The following FAM118A variants were observed in gnomAD, a reference collection of about 807,000 sequenced individuals.
FAM118A encodes the protein SIR2 antiphage like 2.
Under a neutral mutation model 38.2 loss-of-function variants are expected in FAM118A, and 25 were observed. That is an observed-to-expected ratio of 0.65 (90% CI 0.48 to 0.91). The LOEUF is 0.91. Among genes scored for constraint, FAM118A ranks in the 40% least tolerant of loss-of-function variants. FAM118A has a pLI of 0.00. For missense variants in FAM118A, 425 were observed against 463.3 expected (o/e 0.92, Z 0.76); for synonymous variants, 178 against 184.1 (o/e 0.97, Z 0.27).
At chr22:45,338,990 G>C (rs907771345) in intron 8 of FAM118A, among the ~76,000 whole-genome samples, 7 of 152,214 alleles carry the variant, frequency 4.6e-5, no homozygotes, top group Non-Finnish European at 7.3e-5. Context: ...GGCAGGGGGT[G>C]GGGGCGCCCT....
rs369034003 is a variant in FAM118A at position 45,332,638 on chromosome 22, G to C, written c.865G>C (p.Gly289Arg). The change falls in exon 6 of 9, where the codon GGG becomes CGG. Residue 289 changes from glycine (G) to arginine (R), a missense_variant. By Grantham distance (125) the Gly-to-Arg change is moderately radical. Transcript: ENST00000441876. ...GCACGGAATCAAAGTTGTATCCTAC[G>C]GGGACTGTTTTGACCACTTTCCAGG... is the stretch of plus-strand genomic sequence containing the variant. ...LLHGIKVVSY[G>R]DCFDHFPGYV... 9.3e-6 allele frequency: 15 copies of C among 1,614,198 alleles called. No homozygotes were observed. In the East Asian group the frequency reaches 3.3e-4, roughly 36 times the overall value.
At position 45,323,244 on chromosome 22, in the gene FAM118A, C is replaced by T. The variant is rs138980075; in HGVS notation, c.117C>T (p.Ser39=). Residue 39 remains serine (S), a synonymous_variant, in exon 3 of 9, where the codon AGC becomes AGT. Coordinates refer to ENST00000441876, the MANE Select transcript of FAM118A (RefSeq NM_017911.4). ...ELLLVIGTGV[S]AAVAPGIPAL... is the part of the protein sequence containing the mutation. ...TCCTGGTTATCGGGACTGGCGTCAGCGCAGCAGTGGCCCCCGGAATCCCTG... is the reference window on the plus strand; with the variant it reads ...TCCTGGTTATCGGGACTGGCGTCAGTGCAGCAGTGGCCCCCGGAATCCCTG... 4.1e-3 allele frequency: 6,575 copies of T among 1,614,186 alleles called. 12 individuals are homozygous for T. The highest frequency in any genetic ancestry group is 4.6e-3 in the Non-Finnish European group (5,467 of 1,180,034).
intron 2 of FAM118A, among the ~76,000 whole-genome samples, chr22:45,322,957 T>G (rs2084972533): frequency 6.6e-6 from 1 of 152,042 alleles, no homozygotes; most frequent in Admixed American, 6.5e-5. Context: ...CTGTCCCACG[T>G]CCTTTAAGGA....
At chr22:45,322,467 T>G in intron 2 of FAM118A, 41 bp downstream of exon 2, 1 of 1,542,998 alleles carries the variant, frequency 6.5e-7, no homozygotes, top group Non-Finnish European at 8.9e-7. Context: ...CTTCATTGAC[T>G]TCATCTAGCG....
intron 6 of FAM118A, among the ~76,000 whole-genome samples, chr22:45,333,499 C>G (rs1025583735): frequency 3.9e-5 from 6 of 151,948 alleles, no homozygotes; most frequent in African/African-American, 7.3e-5. Flanking sequence ...ACGGTGAAAC[C>G]CCGTCTCTAC....
At chr22:45,311,884 G>A (rs752342511) in intron 1 of FAM118A, among the ~76,000 whole-genome samples, 1 of 152,092 alleles carries the variant, frequency 6.6e-6, no homozygotes, top group Non-Finnish European at 1.5e-5. Flanking sequence ...TGAACTTTAA[G>A]TGAGGTTTTT....
chr22:45,316,044 T>C (rs888814189), intron 1 of FAM118A, among the ~76,000 whole-genome samples: 1 of 152,086 alleles, frequency 6.6e-6, no homozygotes, highest in African/African-American at 2.4e-5. Flanking sequence ...GCTCAGTGAT[T>C]TGATTTGATT....
At chr22:45,339,797 T>C (rs1021649554) in intron 8 of FAM118A, among the ~76,000 whole-genome samples, 2 of 152,346 alleles carry the variant, frequency 1.3e-5, no homozygotes, top group East Asian at 1.9e-4. Context: ...CTCTGACTGG[T>C]GTGCACATCG....
chr22:45,319,079 T>C (rs906403381), intron 1 of FAM118A: 5 of 152,254 alleles, frequency 3.3e-5, no homozygotes, highest in African/African-American at 1.2e-4. Context: ...TGAAGATGTG[T>C]AAATGCAGTA....
intron 1 of FAM118A, among the ~76,000 whole-genome samples, chr22:45,315,635 TG>T (rs2084572586): frequency 6.7e-6 from 1 of 150,148 alleles, no homozygotes; most frequent in Non-Finnish European, 1.5e-5. Flanking sequence ...TCTACCTGGC[TG>T]GGGGAAACAG....
At position 45,323,419 on chromosome 22, in the gene FAM118A, A is replaced by G. The variant is rs1416526047; in HGVS notation, c.292A>G (p.Met98Val). The G allele has an allele frequency of 2.5e-6, 4 of 1,612,802 alleles. No homozygotes were observed. In the East Asian group the frequency reaches 6.7e-5, roughly 27 times the overall value. Reference protein sequence around the residue: ...LVVAHDLIRKMSPRTGDAKPS... With the variant: ...LVVAHDLIRKVSPRTGDAKPS... ...TGTCGCCCATGATCTGATCCGGAAGATGTCACCTGTAAGTGTCAGACAAGT... is the reference window on the plus strand; with the variant it reads ...TGTCGCCCATGATCTGATCCGGAAGGTGTCACCTGTAAGTGTCAGACAAGT... Residue 98 changes from methionine to valine, a missense_variant, in exon 3 of 9, where the codon ATG becomes GTG. Met to Val is a conservative substitution (Grantham distance 21). Coordinates refer to ENST00000441876, the MANE Select transcript of FAM118A (RefSeq NM_017911.4).
At chr22:45,327,080 T>TA (rs1298721183) in intron 3 of FAM118A, among the ~76,000 whole-genome samples, 2 of 149,700 alleles carry the variant, frequency 1.3e-5, no homozygotes, top group East Asian at 4.0e-4. Flanking sequence ...AAAAAATTTT[T>TA]AAAAAATATA....
Position 45,335,360 on chromosome 22 carries a change from C to A in FAM118A, c.948C>A (p.Arg316=), listed in dbSNP as rs377733801. The A allele has an allele frequency of 1.7e-5, 28 of 1,614,098 alleles. No individual in the cohort carries two copies. The highest frequency in any genetic ancestry group is 2.3e-5 in the Non-Finnish European group (27 of 1,180,036). The stretch of plus-strand genomic sequence containing the variant: ...TTCTTTCTCCTTCAGATGCTGATCG[C>A]GTGGACAGCACCACATTATTGGGTA... ...ICKQQSPDAD[R]VDSTTLLGNA... Residue 316 remains arginine (R), a synonymous_variant, in exon 7 of 9, where the codon CGC becomes CGA. Transcript: ENST00000441876.
Position 45,330,717 on chromosome 22 carries a change from G to A in FAM118A, c.637G>A (p.Asp213Asn). 1 of 1,577,966 alleles carries A rather than the reference G, an allele frequency of 6.3e-7. No individual in the cohort carries two copies. The highest frequency in any genetic ancestry group is 8.6e-7 in the Non-Finnish European group (1 of 1,165,458). ...DPSGYKDVTQ[D>N]AEVMEVLQNL... ...ATCGGGGTATAAAGACGTCACTCAA[G>A]ACGCAGAAGTCATGGTACGGCCCGT... Residue 213 changes from aspartate (D) to asparagine (N), a missense_variant, in exon 5 of 9, where the codon GAC (aspartate) becomes AAC (asparagine). By Grantham distance (23) the Asp-to-Asn change is conservative. Transcript: ENST00000441876.
At chr22:45,314,923 A>C (rs2084539250) in intron 1 of FAM118A, among the ~76,000 whole-genome samples, 1 of 152,242 alleles carries the variant, frequency 6.6e-6, no homozygotes, top group South Asian at 2.1e-4. Flanking sequence ...TATATAATAC[A>C]CAACTTGGGG....
intron 3 of FAM118A, among the ~76,000 whole-genome samples, chr22:45,324,187 G>A (rs982884136): frequency 6.6e-5 from 10 of 152,224 alleles, no homozygotes; most frequent in Non-Finnish European, 2.9e-5. Flanking sequence ...GGAGAGTTGA[G>A]GTTGGCTGTG....
chr22:45,335,875 C>T (rs2086052551), intron 7 of FAM118A, among the ~76,000 whole-genome samples: 1 of 152,204 alleles, frequency 6.6e-6, no homozygotes, highest in African/African-American at 2.4e-5. Context: ...TGAGCGTCCT[C>T]CTGTGTGTGC....
At chr22:45,327,693 C>T in intron 3 of FAM118A, 149 bp from the exon 4 acceptor site, 1 of 750,590 alleles carries the variant, frequency 1.3e-6, no homozygotes, top group South Asian at 1.7e-5. Flanking sequence ...CCCCTGTCCC[C>T]CTGCTCTGGG....
chr22:45,335,305 C>T, intron 6 of FAM118A, 45 bp from the exon 7 acceptor site: 2 of 1,612,570 alleles, frequency 1.2e-6, no homozygotes, highest in Admixed American at 1.7e-5. Flanking sequence ...GGAGGACGAG[C>T]TCTTGGTGTC....
Sources: gnomAD v4.1 joint callset for allele counts (sites outside exome capture counted in the v4.1 genomes callset) on GRCh38, gnomAD v4.1.1 for gene constraint, MANE v1.5 for transcripts, NCBI Gene and HGNC (gene_info 2026-07-23, HGNC 2026-07-21) for gene names.